KTN1: variants seen among roughly 807,000 people sequenced by gnomAD.
KTN1 encodes the protein kinectin 1.
Under a neutral mutation model 222.5 loss-of-function variants are expected in KTN1, and 130 were observed. The ratio of observed to expected loss-of-function variants is 0.58; its 90% CI spans 0.51 to 0.68. The LOEUF (loss-of-function observed/expected upper bound fraction) is 0.68. Ranked by LOEUF, KTN1 falls within the 30% of genes least tolerant of loss-of-function variation. KTN1 has a pLI of 0.00. For missense variants in KTN1, 1,508 were observed against 1,500.4 expected (o/e 1.01, Z -0.08); for synonymous variants, 512 against 496.3 (o/e 1.03, Z -0.42).
At chr14:55,608,749 C>A (rs1440591601) in intron 1 of KTN1, among the ~76,000 whole-genome samples, 1 of 151,826 alleles carries the variant, frequency 6.6e-6, no homozygotes, top group Non-Finnish European at 1.5e-5. Flanking sequence ...TTTGCATCAG[C>A]CTCCTGAGTA....
chr14:55,583,746 G>T (rs2032279890), intron 1 of KTN1, among the ~76,000 whole-genome samples: 1 of 152,074 alleles, frequency 6.6e-6, no homozygotes, highest in African/African-American at 2.4e-5. Context: ...CTCCAACCCA[G>T]ACTTTCCACA....
chr14:55,627,213 T>A (rs2140874212), intron 5 of KTN1, among the ~76,000 whole-genome samples: 1 of 152,308 alleles, frequency 6.6e-6, no homozygotes. Flanking sequence ...GACTCTGAGT[T>A]TAAAACTGGA....
At chr14:55,603,510 C>T (rs531159302) in intron 1 of KTN1, among the ~76,000 whole-genome samples, 38 of 152,292 alleles carry the variant, frequency 2.5e-4, no homozygotes, top group African/African-American at 8.9e-4. Context: ...ATTCATCTGG[C>T]GTCCGGGACA....
At chr14:55,603,246 C>CG (rs2036241531) in intron 1 of KTN1, among the ~76,000 whole-genome samples, 1 of 152,074 alleles carries the variant, frequency 6.6e-6, no homozygotes, top group South Asian at 2.1e-4. Context: ...ATATTCTCCT[C>CG]CAAGTTCCAT....
intron 4 of KTN1, among the ~76,000 whole-genome samples, 155 bp from the exon 5 acceptor site, chr14:55,619,027 T>G (rs1269439350): frequency 6.6e-6 from 1 of 152,202 alleles, no homozygotes; most frequent in East Asian, 1.9e-4. Context: ...TCCTCTTGAC[T>G]GGAGTATTTG....
intron 43 of KTN1, chr14:55,680,440 A>G (rs974937565): frequency 8.8e-6 from 2 of 226,426 alleles, no homozygotes; most frequent in Non-Finnish European, 1.9e-5. Flanking sequence ...CACTGCCTAG[A>G]GTGTAATTAG....
At chr14:55,663,594 A>C (rs1274992512) in intron 32 of KTN1, 1 of 179,010 alleles carries the variant, frequency 5.6e-6, no homozygotes, top group East Asian at 1.6e-4. Flanking sequence ...GCTTTTTATA[A>C]TACTTCTATA....
At chr14:55,680,547 C>G (rs1045584839) in intron 43 of KTN1, 9 of 518,656 alleles carry the variant, frequency 1.7e-5, no homozygotes, top group Admixed American at 4.1e-5. Context: ...AGGGGCAACT[C>G]ATCACTGAAT....
chr14:55,680,025 T>C, intron 43 of KTN1: 1 of 201,420 alleles, frequency 5.0e-6, no homozygotes, highest in Non-Finnish European at 9.9e-6. Flanking sequence ...ATCTGTGACC[T>C]TTTCTCCCCC....
chr14:55,627,615 G>A lies in KTN1; in HGVS notation c.964-297G>A, dbSNP rs145201181. Among the ~76,000 whole-genome samples the A allele has an allele frequency of 5.9e-5, 9 of 151,786 alleles. No homozygotes were observed. In the East Asian group the frequency reaches 1.6e-3, roughly 26 times the overall value. On this transcript the variant is annotated intron_variant, in intron 5 of 43. Coordinates refer to ENST00000395314, the MANE Select transcript of KTN1 (RefSeq NM_001079521.2). ...TGCTATCCCTCCCCTATTCCCCCAC[G>A]CCCCGACAGGCATGTTGCCCTTCCT...
intron 40 of KTN1, chr14:55,674,590 C>T (rs1298868350): frequency 6.6e-6 from 1 of 152,118 alleles, no homozygotes; most frequent in African/African-American, 2.4e-5. Flanking sequence ...TATGTCATGG[C>T]TATAAGTCCT....
intron 28 of KTN1, among the ~76,000 whole-genome samples, chr14:55,654,520 G>A (rs1176589564): frequency 6.8e-6 from 1 of 147,078 alleles, no homozygotes; most frequent in African/African-American, 2.6e-5. Context: ...GGTAATTTTA[G>A]GTATATTTCT....
chr14:55,645,704 G>A (rs897046034), intron 18 of KTN1, among the ~76,000 whole-genome samples: 2 of 152,116 alleles, frequency 1.3e-5, no homozygotes, highest in African/African-American at 4.8e-5. Flanking sequence ...TTCCCATTGG[G>A]AAGTTTTTTC....
chr14:55,677,473 T>TGA (rs1480126453), intron 41 of KTN1, among the ~76,000 whole-genome samples: 7 of 98,332 alleles, frequency 7.1e-5, no homozygotes, highest in African/African-American at 1.7e-4. Context: ...AAAGACTGTC[T>TGA]AAAAAAAAAA....
intron 31 of KTN1, chr14:55,661,236 C>T: frequency 4.5e-6 from 1 of 223,432 alleles, no homozygotes; most frequent in Non-Finnish European, 8.7e-6. Context: ...CTATAAATAG[C>T]TACAACAGTT....
rs771504684 is a variant in KTN1 at position 55,618,150 on chromosome 14, T to C, written c.832+16T>C. 1 of 1,593,138 alleles carries C rather than the reference T, an allele frequency of 6.3e-7. No homozygotes were observed. Among genetic ancestry groups the C allele is most frequent in the South Asian group, 1.1e-5 (1 of 89,028 alleles). ...ACTGACAAAGGTAATATATGGGATT[T>C]ATAGTCTTTGTTGTACTATAAAAAC... On this transcript the variant is annotated intron_variant, in intron 4 of 43. Transcript: ENST00000395314.
At chr14:55,595,398 A>G (rs985206271) in intron 1 of KTN1, among the ~76,000 whole-genome samples, 1 of 152,228 alleles carries the variant, frequency 6.6e-6, no homozygotes, top group African/African-American at 2.4e-5. Context: ...TAGACTTAGT[A>G]ATGTGGTGTT....
intron 1 of KTN1, among the ~76,000 whole-genome samples, chr14:55,602,402 A>G (rs1376949994): frequency 6.6e-6 from 1 of 152,206 alleles, no homozygotes; most frequent in Non-Finnish European, 1.5e-5. Flanking sequence ...AGGTTTGTAG[A>G]TACTATATAC....
At chr14:55,604,929 C>T (rs376654093) in intron 1 of KTN1, among the ~76,000 whole-genome samples, 1 of 152,156 alleles carries the variant, frequency 6.6e-6, no homozygotes, top group African/African-American at 2.4e-5. Flanking sequence ...TCCATAGTAG[C>T]CTCTTACTGC....
Sources: gnomAD v4.1 joint callset for allele counts (sites outside exome capture counted in the v4.1 genomes callset) on GRCh38, gnomAD v4.1.1 for gene constraint, MANE v1.5 for transcripts, NCBI Gene and HGNC (gene_info 2026-07-23, HGNC 2026-07-21) for gene names.